The following AKAP9 variants were observed in gnomAD, a reference collection of about 807,000 sequenced individuals.
AKAP9 encodes A-kinase anchoring protein 9.
Under a neutral mutation model 488.5 loss-of-function variants are expected in AKAP9, and 311 were observed. The observed-to-expected ratio is 0.64, with a 90% CI of 0.58 to 0.70. The LOEUF (loss-of-function observed/expected upper bound fraction) is 0.70, where lower values mean the gene tolerates loss of function less well. Among genes scored for constraint, AKAP9 ranks in the 30% least tolerant of loss-of-function variants. The pLI is 0.00. For missense variants in AKAP9, 4,215 were observed against 4,374.5 expected (o/e 0.96, Z 1.03); for synonymous variants, 1,462 against 1,483.5 (o/e 0.99, Z 0.33).
chr7:91,977,447 T>C (rs1795845089), intron 2 of AKAP9, among the ~76,000 whole-genome samples: 1 of 152,070 alleles, frequency 6.6e-6, no homozygotes, highest in African/African-American at 2.4e-5. Flanking sequence ...TCCCAGCTAC[T>C]CGGGAGGCTG....
At chr7:92,035,161 G>A (rs1804982040) in intron 16 of AKAP9, among the ~76,000 whole-genome samples, 1 of 152,214 alleles carries the variant, frequency 6.6e-6, no homozygotes. Flanking sequence ...GCTGCATTCT[G>A]CAAATTTTCA....
chr7:92,100,170 T>C, intron 44 of AKAP9: 1 of 326,144 alleles, frequency 3.1e-6, no homozygotes, highest in South Asian at 3.0e-5. Context: ...AAGATACTTG[T>C]ATCTCCAAAG....
At chr7:91,996,915 C>T (rs1464138955) in intron 7 of AKAP9, among the ~76,000 whole-genome samples, 1 of 152,094 alleles carries the variant, frequency 6.6e-6, no homozygotes, top group African/African-American at 2.4e-5. Context: ...GAATCATCAC[C>T]ATAGGCCTGT....
In AKAP9 at chr7:92,083,935, G is replaced by A. The variant is rs565356008; in HGVS notation, c.8646+280G>A. Among the ~76,000 whole-genome samples the A allele has an allele frequency of 1.8e-4, 28 of 152,124 alleles. No individual in the cohort carries two copies. The East Asian group carries it at 4.0e-3, about 22-fold the overall frequency. On this transcript the variant is annotated intron_variant, in intron 33 of 49. Coordinates refer to ENST00000356239, the MANE Select transcript of AKAP9 (RefSeq NM_005751.5). ...GGTGGTTTGCTGCACCCATCAACCC[G>A]TCATCTACATTAGGTATTTCTCCTA...
chr7:91,941,451 C>T (rs1210598762), intron 1 of AKAP9, among the ~76,000 whole-genome samples: 2 of 152,182 alleles, frequency 1.3e-5, no homozygotes, highest in African/African-American at 4.8e-5. Flanking sequence ...TTAGTTGCTT[C>T]TAAACCTCCG....
chr7:92,064,218 T>G (rs1326459893), intron 24 of AKAP9, among the ~76,000 whole-genome samples: 1 of 152,124 alleles, frequency 6.6e-6, no homozygotes, highest in Admixed American at 6.6e-5. Context: ...AATAAGAGGC[T>G]CTCTGGTTGA....
At chr7:92,036,570 T>C (rs993839062) in intron 16 of AKAP9, among the ~76,000 whole-genome samples, 1 of 152,236 alleles carries the variant, frequency 6.6e-6, no homozygotes, top group African/African-American at 2.4e-5. Flanking sequence ...AATAGTTCCT[T>C]TCCATTGTTC....
Position 92,089,486 on chromosome 7 carries a change from A to C in AKAP9, c.9315A>C (p.Lys3105Asn). 2 of 1,613,558 alleles carry C rather than the reference A, an allele frequency of 1.2e-6. No individual in the cohort carries two copies. The highest frequency in any genetic ancestry group is 1.7e-6 in the Non-Finnish European group (2 of 1,179,754). ...QALHAQMNGR[K>N]ITLKREQESE... The stretch of plus-strand genomic sequence containing the variant: ...TGCATGCACAAATGAATGGTAGGAA[A>C]ATTACTCTGAAAAGAGAACAAGAGA... Residue 3105 changes from lysine to asparagine, a missense_variant, in exon 38 of 50, where the codon AAA (lysine) becomes AAC (asparagine). Physicochemically the swap from Lys to Asn is moderately conservative, Grantham distance 94. This residue lies in a region of AKAP9 where 1,476 missense variants were observed against 1,477.4 expected (regional missense o/e 1.00). Coordinates refer to ENST00000356239, the MANE Select transcript of AKAP9 (RefSeq NM_005751.5).
rs755367137 is a variant in AKAP9 at position 91,995,750 on chromosome 7, T to C, written c.880T>C (p.Phe294Leu). 9 of 1,612,896 alleles carry C rather than the reference T, an allele frequency of 5.6e-6. No individual in the cohort carries two copies. The Admixed American group carries it at 1.0e-4, about 18-fold the overall frequency. Reference protein sequence around the residue: ...LEDYQKKKEDFTMQISFLQEK... With the variant: ...LEDYQKKKEDLTMQISFLQEK... The stretch of plus-strand genomic sequence containing the variant: ...AGATTATCAGAAAAAGAAAGAAGAC[T>C]TCACAATGCAAATTAGTTTCTTGCA... Residue 294 changes from phenylalanine to leucine, a missense_variant, in exon 7 of 50, where the codon TTC becomes CTC. Transcript: ENST00000356239.
At chr7:92,061,965 A>G (rs1360695016) in intron 23 of AKAP9, among the ~76,000 whole-genome samples, 1 of 152,150 alleles carries the variant, frequency 6.6e-6, no homozygotes, top group Non-Finnish European at 1.5e-5. Flanking sequence ...TCAGAAACTT[A>G]CTGTTTATAT....
intron 22 of AKAP9, among the ~76,000 whole-genome samples, chr7:92,059,767 A>G (rs1316011752): frequency 2.6e-5 from 4 of 151,822 alleles, no homozygotes; most frequent in Non-Finnish European, 5.9e-5. Flanking sequence ...GTAAATTCCC[A>G]TGTAGTTGTA....
intron 1 of AKAP9, among the ~76,000 whole-genome samples, chr7:91,962,633 C>T (rs1456390127): frequency 3.3e-5 from 5 of 152,010 alleles, no homozygotes; most frequent in African/African-American, 4.8e-5. Context: ...ACTTACCTTC[C>T]GGTTAATCTG....
intron 28 of AKAP9, 112 bp downstream of exon 28, chr7:92,071,121 G>A: frequency 3.9e-6 from 4 of 1,025,290 alleles, no homozygotes; most frequent in Non-Finnish European, 3.0e-6. Context: ...CAAAGTTGAG[G>A]CTGTTTCTCA....
At chr7:91,953,516 T>A (rs1037938282) in intron 1 of AKAP9, among the ~76,000 whole-genome samples, 2 of 152,248 alleles carry the variant, frequency 1.3e-5, no homozygotes, top group South Asian at 4.1e-4. Flanking sequence ...ACAATAATAG[T>A]ACCTGCCTTG....
intron 8 of AKAP9, among the ~76,000 whole-genome samples, chr7:92,010,460 C>A (rs1384255718): frequency 6.6e-6 from 1 of 152,196 alleles, no homozygotes; most frequent in Non-Finnish European, 1.5e-5. Context: ...GCGTGCACTA[C>A]TGCAATTCTT....
chr7:92,085,840 A>G (rs1814461493), intron 36 of AKAP9, among the ~76,000 whole-genome samples, 154 bp downstream of exon 36: 1 of 152,184 alleles, frequency 6.6e-6, no homozygotes, highest in East Asian at 1.9e-4. Context: ...GCAGTGCCTC[A>G]TGCCTGTAAT....
intron 24 of AKAP9, among the ~76,000 whole-genome samples, chr7:92,064,246 A>C (rs1810395274): frequency 6.6e-6 from 1 of 152,094 alleles, no homozygotes; most frequent in Non-Finnish European, 1.5e-5. Context: ...TTATGTTAAC[A>C]TCTAATGTTG....
At chr7:91,980,227 G>C in intron 2 of AKAP9, 62 bp from the exon 3 acceptor site, 1 of 1,021,808 alleles carries the variant, frequency 9.8e-7, no homozygotes, top group Non-Finnish European at 1.5e-6. Context: ...TAATGGTTTA[G>C]TAAAGTATGA....
At chr7:92,108,980 A>G (rs1818951885) in intron 49 of AKAP9, 1 of 405,876 alleles carries the variant, frequency 2.5e-6, no homozygotes, top group South Asian at 2.5e-5. Context: ...TAAGTAGCGC[A>G]TGGCAGAAAG....
Sources: allele counts gnomAD v4.1 joint callset (sites outside exome capture counted in the v4.1 genomes callset), GRCh38; gene constraint gnomAD v4.1.1; regional missense constraint gnomAD v4.1.1; transcripts MANE v1.5; gene names NCBI Gene and HGNC (gene_info 2026-07-23, HGNC 2026-07-21).